PLEKHA5: variants seen among roughly 807,000 people sequenced by gnomAD.
The protein encoded by PLEKHA5 is pleckstrin homology domain-containing family A member 5.
A neutral mutation model predicts 181.9 loss-of-function variants in PLEKHA5; 55 were observed. The ratio of observed to expected loss-of-function variants is 0.30; its 90% CI spans 0.24 to 0.38. PLEKHA5 has a LOEUF of 0.38. Ranked by LOEUF, PLEKHA5 falls within the 10% of genes least tolerant of loss-of-function variation. The probability of loss-of-function intolerance (pLI) is 1.00; values close to 1 mark genes in which losing one functional copy is unlikely to be tolerated. For synonymous variants in PLEKHA5, 535 were observed against 529.4 expected (o/e 1.01, Z -0.15); for missense variants, 1,432 against 1,549.5 (o/e 0.92, Z 1.27).
At chr12:19,154,903 A>C (rs1420800325) in intron 3 of PLEKHA5, among the ~76,000 whole-genome samples, 2 of 152,342 alleles carry the variant, frequency 1.3e-5, no homozygotes, top group African/African-American at 4.8e-5. Context: ...GCAATGTCTA[A>C]TGATGTTAAG....
intron 3 of PLEKHA5, among the ~76,000 whole-genome samples, chr12:19,136,581 T>C (rs2035731977): frequency 6.6e-6 from 1 of 152,172 alleles, no homozygotes; most frequent in Non-Finnish European, 1.5e-5. Flanking sequence ...GATGTGTCAT[T>C]TACTATTCCT....
chr12:19,171,565 G>C (rs1013527149), intron 3 of PLEKHA5, among the ~76,000 whole-genome samples: 3 of 152,018 alleles, frequency 2.0e-5, no homozygotes, highest in African/African-American at 7.2e-5. Context: ...TACCATGTTG[G>C]CCAGGCTGGT....
At chr12:19,323,190 G>T (rs940309990) in intron 20 of PLEKHA5, among the ~76,000 whole-genome samples, 1 of 151,946 alleles carries the variant, frequency 6.6e-6, no homozygotes, top group Non-Finnish European at 1.5e-5. Flanking sequence ...TGAAATGAGT[G>T]TTTTACAGGG....
In PLEKHA5 at chr12:19,270,193, C is replaced by G. The variant is rs780576085; in HGVS notation, c.833C>G (p.Thr278Ser). 3 of 1,461,612 alleles carry G rather than the reference C, an allele frequency of 2.1e-6. No homozygotes were observed. The South Asian group carries it at 4.0e-5, about 19-fold the overall frequency. 90.5% of individuals were successfully genotyped at this position (1,461,612 alleles called of 1,614,324 possible). The stretch of plus-strand genomic sequence containing the variant: ...AATGTTCTTTCTTCTTACAGAATTA[C>G]CTTTAATTTCCGGTGAGTACGTTTT... Reference protein sequence around the residue: ...LVQTEPVKRITFNFRVDKITS... With the variant: ...LVQTEPVKRISFNFRVDKITS... Residue 278 changes from threonine (T) to serine (S), a missense_variant, in exon 10 of 32, where the codon ACC (threonine) becomes AGC (serine). By Grantham distance (58) the Thr-to-Ser change is moderately conservative. Around this residue, in one of 2 missense-constraint regions of PLEKHA5, gnomAD observed 289 missense variants for 381.1 expected, o/e 0.76. Transcript: ENST00000429027.
At chr12:19,270,833 T>A (rs982156961) in intron 10 of PLEKHA5, among the ~76,000 whole-genome samples, 1 of 152,102 alleles carries the variant, frequency 6.6e-6, no homozygotes, top group African/African-American at 2.4e-5. Flanking sequence ...CTCAGGAAAT[T>A]AGGGATTGTT....
At position 19,283,364 on chromosome 12, in the gene PLEKHA5, A is replaced by G; in HGVS notation, c.1398A>G (p.Thr466=). 1.9e-6 allele frequency: 3 copies of G among 1,613,870 alleles called. No homozygotes were observed. Among genetic ancestry groups the G allele is most frequent in the African/African-American group, 1.3e-5 (1 of 74,922 alleles). ...IMARYPEGYR[T]LPRNSKTRPE... is the part of the protein sequence containing the mutation. ...CCCGCTACCCTGAAGGTTATAGAAC[A>G]CTCCCAAGAAACAGCAAGACAAGGC... is the stretch of plus-strand genomic sequence containing the variant. The change falls in exon 12 of 32, where the codon ACA becomes ACG. Residue 466 remains threonine (T), a synonymous_variant. Transcript: ENST00000429027.
chr12:19,323,830 A>G (rs1004217727), intron 20 of PLEKHA5, among the ~76,000 whole-genome samples: 24 of 151,790 alleles, frequency 1.6e-4, no homozygotes, highest in African/African-American at 2.7e-4. Flanking sequence ...AAAAAAAAAA[A>G]AAGAAAGAAA....
intron 5 of PLEKHA5, among the ~76,000 whole-genome samples, chr12:19,255,982 A>G (rs1295985277): frequency 1.3e-5 from 2 of 151,992 alleles, no homozygotes; most frequent in Non-Finnish European, 2.9e-5. Context: ...AAATTCAACC[A>G]CACGTAATTA....
At chr12:19,248,290 T>TG (rs2064304859) in intron 3 of PLEKHA5, among the ~76,000 whole-genome samples, 1 of 152,158 alleles carries the variant, frequency 6.6e-6, no homozygotes. Flanking sequence ...CTCTGCCTCT[T>TG]GGGGTCAAGC....
chr12:19,260,104 C>A (rs1311625141), intron 6 of PLEKHA5, among the ~76,000 whole-genome samples: 1 of 151,922 alleles, frequency 6.6e-6, no homozygotes, highest in Non-Finnish European at 1.5e-5. Flanking sequence ...TTAGAAATAG[C>A]TGCCAAAAAG....
chr12:19,163,476 CA>C (rs2043481643), intron 3 of PLEKHA5, among the ~76,000 whole-genome samples: 1 of 152,144 alleles, frequency 6.6e-6, no homozygotes, highest in Admixed American at 6.5e-5. Flanking sequence ...CCACCGCGCC[CA>C]GCCTGAATTC....
chr12:19,153,725 A>C (rs1413156570), intron 3 of PLEKHA5: 2 of 151,984 alleles, frequency 1.3e-5, no homozygotes, highest in Admixed American at 6.6e-5. Flanking sequence ...GAATAGTTTC[A>C]CCCCCCTAAA....
At chr12:19,192,748 G>A (rs1351381649) in intron 3 of PLEKHA5, among the ~76,000 whole-genome samples, 1 of 152,092 alleles carries the variant, frequency 6.6e-6, no homozygotes. Context: ...ACTAAAATTA[G>A]TAAACCTAAT....
At chr12:19,260,392 C>T (rs1036469146) in intron 6 of PLEKHA5, among the ~76,000 whole-genome samples, 2 of 152,162 alleles carry the variant, frequency 1.3e-5, no homozygotes, top group African/African-American at 2.4e-5. Flanking sequence ...CTTACAAATA[C>T]GAAGCCAAAT....
chr12:19,206,460 G>A (rs1320822529), intron 3 of PLEKHA5, among the ~76,000 whole-genome samples: 1 of 152,016 alleles, frequency 6.6e-6, no homozygotes, highest in Non-Finnish European at 1.5e-5. Flanking sequence ...TGAAGAAAAA[G>A]CATAAAATTA....
At chr12:19,191,141 C>T (rs943179182) in intron 3 of PLEKHA5, among the ~76,000 whole-genome samples, 3 of 152,156 alleles carry the variant, frequency 2.0e-5, no homozygotes, top group Non-Finnish European at 4.4e-5. Flanking sequence ...CCACCTATAC[C>T]TTCTCTTCTG....
intron 5 of PLEKHA5, 121 bp downstream of exon 5, chr12:19,255,286 G>A: frequency 3.6e-6 from 2 of 559,554 alleles, no homozygotes; most frequent in Admixed American, 8.1e-5. Flanking sequence ...TGAATTTGAA[G>A]GTAATTGATA....
Position 19,359,502 on chromosome 12 carries a change from C to G in PLEKHA5, c.3439C>G (p.Gln1147Glu), listed in dbSNP as rs1456685219. 6.2e-7 allele frequency: 1 copy of G among 1,613,756 alleles called. No homozygotes were observed. The highest frequency in any genetic ancestry group is 1.1e-5 in the South Asian group (1 of 91,076). The change falls in exon 28 of 32, where the codon CAA (glutamine) becomes GAA (glutamate). Residue 1147 changes from glutamine (Q) to glutamate (E), a missense_variant. By Grantham distance (29) the Gln-to-Glu change is conservative. Transcript: ENST00000429027. ...TGAAACTCCTGCAACAGAAATTGTTCAACTAAAAGAAACCGAACCCCAAAA... is the reference window on the plus strand; with the variant it reads ...TGAAACTCCTGCAACAGAAATTGTTGAACTAAAAGAAACCGAACCCCAAAA... ...DHETPATEIV[Q>E]LKETEPQNVD...
At chr12:19,306,876 C>T in intron 15 of PLEKHA5, 1 of 799,448 alleles carries the variant, frequency 1.3e-6, no homozygotes, top group Non-Finnish European at 2.2e-6. Flanking sequence ...GGAGTTATTC[C>T]TGATAAGGCT....
Sources: gnomAD v4.1 joint callset for allele counts (sites outside exome capture counted in the v4.1 genomes callset) on GRCh38, gnomAD v4.1.1 for gene constraint, gnomAD v4.1.1 regional missense constraint, MANE v1.5 for transcripts, NCBI Gene and HGNC (gene_info 2026-07-23, HGNC 2026-07-21) for gene names.